Variants in RALGAPB observed in about 807,000 individuals in gnomAD.
The protein encoded by RALGAPB is Ral GTPase activating protein non-catalytic subunit beta, also known as ral GTPase-activating protein subunit beta.
Under a neutral mutation model 161.1 loss-of-function variants are expected in RALGAPB, and 25 were observed. That is an observed-to-expected ratio of 0.16 (90% CI 0.11 to 0.22). The LOEUF (loss-of-function observed/expected upper bound fraction) is 0.22, where lower values mean the gene tolerates loss of function less well. RALGAPB is among the 10% of genes least tolerant of loss of function. RALGAPB has a pLI of 1.00. For missense variants in RALGAPB, 1,391 were observed against 1,815.2 expected, an observed-to-expected ratio of 0.77 and a Z score of 4.25; for synonymous variants, 629 against 626.1, an observed-to-expected ratio of 1.00 and a Z score of -0.07.
intron 16 of RALGAPB, among the ~76,000 whole-genome samples, chr20:38,536,324 T>C (rs1012067674): frequency 1.7e-4 from 26 of 152,238 alleles, no homozygotes; most frequent in Non-Finnish European, 4.4e-5. Flanking sequence ...CCTTTTATGA[T>C]TGGATAATAT....
Position 38,576,782 on chromosome 20 carries a change from T to C in RALGAPB, c.*1815T>C, listed in dbSNP as rs2088454038. On this transcript the variant is annotated 3_prime_UTR_variant, in exon 30 of 30. Transcript: ENST00000262879. ...TTGACATTTTGAGGGGAAAATGGGC[T>C]CTTGTTCTAGTTGAAGTGAGCAGAG... is the stretch of plus-strand genomic sequence containing the variant. The C allele has an allele frequency of 6.6e-6, 1 of 152,644 alleles. No individual in the cohort carries two copies. The allele number at this position is 152,644 out of a possible 1,614,324, so 9.5% of individuals were successfully genotyped here.
intron 9 of RALGAPB, 85 bp from the exon 10 acceptor site, chr20:38,521,412 C>T: frequency 6.4e-7 from 1 of 1,568,548 alleles, no homozygotes; most frequent in Non-Finnish European, 8.6e-7. Context: ...TTTAATGACA[C>T]CAATATTTGA....
chr20:38,509,527 GGGACTGGAGGTTGCCTT>G (rs1299110672), intron 6 of RALGAPB, among the ~76,000 whole-genome samples: 1 of 152,190 alleles, frequency 6.6e-6, no homozygotes. Context: ...ACATTCTGTG[GGGACTGGAGGTTGCCTT>G]GCTCCTCTCT....
At chr20:38,505,733 T>C (rs1230791923) in intron 5 of RALGAPB, among the ~76,000 whole-genome samples, 1 of 152,152 alleles carries the variant, frequency 6.6e-6, no homozygotes, top group East Asian at 1.9e-4. Flanking sequence ...TTATATGCAT[T>C]GAGAAACCAA....
intron 18 of RALGAPB, among the ~76,000 whole-genome samples, chr20:38,543,561 T>C (rs1333707283): frequency 6.6e-6 from 1 of 152,056 alleles, no homozygotes; most frequent in Non-Finnish European, 1.5e-5. Context: ...TCTGTTTCCT[T>C]CCTTGTTGTC....
intron 20 of RALGAPB, among the ~76,000 whole-genome samples, chr20:38,549,890 A>G (rs556888443): frequency 3.3e-5 from 5 of 152,316 alleles, no homozygotes; most frequent in East Asian, 1.9e-4. Flanking sequence ...GCTATTAAAA[A>G]TATAAAATGT....
Position 38,539,961 on chromosome 20 carries a change from G to A in RALGAPB, c.2562+3G>A, listed in dbSNP as rs1277809155. ...ACCCTGATATGCTTGATGAAAAGGT[G>A]AGTTTATTTTATTTTAAACCATTAA... On this transcript the variant is annotated splice_donor_region_variant and intron_variant, in intron 17 of 29. Transcript: ENST00000262879. 6.2e-7 allele frequency: 1 copy of A among 1,603,738 alleles called. No individual in the cohort carries two copies. The highest frequency in any genetic ancestry group is 1.1e-5 in the South Asian group (1 of 88,726).
At chr20:38,513,494 A>G (rs936760184) in intron 6 of RALGAPB, among the ~76,000 whole-genome samples, 21 of 151,800 alleles carry the variant, frequency 1.4e-4, no homozygotes, top group Admixed American at 3.3e-4. Context: ...GGGGGAAGCA[A>G]AAAACAAATT....
At chr20:38,482,426 C>CTTTTTTTTTT (rs386393725) in intron 1 of RALGAPB, among the ~76,000 whole-genome samples, 3 of 121,382 alleles carry the variant, frequency 2.5e-5, no homozygotes, top group Admixed American at 9.6e-5. Flanking sequence ...GTATGTTTAT[C>CTTTTTTTTTT]TTTTTTTTTT....
Position 38,575,125 on chromosome 20 carries a change from G to C in RALGAPB, c.*158G>C, listed in dbSNP as rs2088390225. Reference sequence around the variant, plus strand: ...GAAACACATTATAACCCATTTGATAGAAGACTTTGGGCTATCTAGTGAAAT... The same window carrying C: ...GAAACACATTATAACCCATTTGATACAAGACTTTGGGCTATCTAGTGAAAT... On this transcript the variant is annotated 3_prime_UTR_variant, in exon 30 of 30. Transcript: ENST00000262879. 1 of 654,404 alleles carries C rather than the reference G, an allele frequency of 1.5e-6. No individual in the cohort carries two copies. Among genetic ancestry groups the C allele is most frequent in the African/African-American group, 1.8e-5 (1 of 54,794 alleles). 40.5% of individuals were successfully genotyped at this position (654,404 alleles called of 1,614,324 possible).
intron 6 of RALGAPB, among the ~76,000 whole-genome samples, chr20:38,511,894 C>T (rs1443613675): frequency 6.6e-6 from 1 of 152,278 alleles, no homozygotes; most frequent in African/African-American, 2.4e-5. Context: ...GCTCACTTCC[C>T]AGACGGGGCG....
At chr20:38,533,784 G>A (rs2086724163) in intron 15 of RALGAPB, among the ~76,000 whole-genome samples, 1 of 152,110 alleles carries the variant, frequency 6.6e-6, no homozygotes, top group African/African-American at 2.4e-5. Context: ...TGTAGATTTA[G>A]GTATTCTATA....
At chr20:38,565,935 A>G (rs1568983026) in intron 25 of RALGAPB, among the ~76,000 whole-genome samples, 1 of 152,322 alleles carries the variant, frequency 6.6e-6, no homozygotes, top group East Asian at 1.9e-4. Context: ...CCTAGAAAAG[A>G]TGGTGGTCCA....
intron 9 of RALGAPB, among the ~76,000 whole-genome samples, chr20:38,519,370 A>G (rs1272398076): frequency 6.6e-6 from 1 of 152,168 alleles, no homozygotes; most frequent in African/African-American, 2.4e-5. Context: ...TGCATTTTCT[A>G]GAATGAATCA....
rs754719971 is a variant in RALGAPB at position 38,497,334 on chromosome 20, ATCTG to A, written c.390-11_390-8del. On this transcript the variant is annotated splice_polypyrimidine_tract_variant and intron_variant, in intron 3 of 29. Coordinates refer to ENST00000262879, the MANE Select transcript of RALGAPB (RefSeq NM_020336.4). ...TCTCTCCTCCAGGCTTGTCAGTGATATCTGTCTGTCTTCTTCAGACAGGAACAGG... is the reference window on the plus strand; with the variant it reads ...TCTCTCCTCCAGGCTTGTCAGTGATATCTGTCTTCTTCAGACAGGAACAGG... 4 of 1,610,244 alleles carry A rather than the reference ATCTG, an allele frequency of 2.5e-6. No individual in the cohort carries two copies. The highest frequency in any genetic ancestry group is 3.4e-5 in the Admixed American group (2 of 59,532).
intron 13 of RALGAPB, among the ~76,000 whole-genome samples, chr20:38,530,966 C>G (rs2086634970): frequency 6.7e-6 from 1 of 149,044 alleles, no homozygotes; most frequent in Non-Finnish European, 1.5e-5. Context: ...CTCCAAAAAA[C>G]TTTCTAACAT....
chr20:38,566,226 T>G (rs1194635156), intron 25 of RALGAPB, among the ~76,000 whole-genome samples: 5 of 152,192 alleles, frequency 3.3e-5, no homozygotes, highest in Non-Finnish European at 7.4e-5. Context: ...GATTTCTCAC[T>G]CTAGGCCCCT....
chr20:38,571,618 T>C (rs2088243597), intron 28 of RALGAPB, among the ~76,000 whole-genome samples: 1 of 152,234 alleles, frequency 6.6e-6, no homozygotes, highest in Non-Finnish European at 1.5e-5. Context: ...GATGGATATT[T>C]AGGTTGCCTC....
intron 1 of RALGAPB, among the ~76,000 whole-genome samples, chr20:38,479,455 A>G (rs760118297): frequency 6.6e-6 from 1 of 152,174 alleles, no homozygotes; most frequent in African/African-American, 2.4e-5. Context: ...CCACCATTGT[A>G]TTGATTATTT....
Sources: gnomAD v4.1 joint callset for allele counts (sites outside exome capture counted in the v4.1 genomes callset) on GRCh38, gnomAD v4.1.1 for gene constraint, MANE v1.5 for transcripts, NCBI Gene and HGNC (gene_info 2026-07-23, HGNC 2026-07-21) for gene names.